Variants in JAK2 observed in about 807,000 individuals in gnomAD.
JAK2 encodes tyrosine-protein kinase JAK2.
JAK2 carries 86 observed loss-of-function variants against 139.3 expected under a neutral mutation model. That is an observed-to-expected ratio of 0.62 (90% confidence interval 0.52 to 0.74). JAK2 has a LOEUF of 0.74. Among genes scored for constraint, JAK2 ranks in the 30% least tolerant of loss-of-function variants. JAK2 has a pLI of 0.00. For missense variants in JAK2, 1,421 were observed against 1,360.3 expected (o/e 1.04, Z -0.70); for synonymous variants, 490 against 437.7 (o/e 1.12, Z -1.49).
intron 22 of JAK2, among the ~76,000 whole-genome samples, chr9:5,121,587 T>G (rs577010284): frequency 3.9e-5 from 6 of 152,262 alleles, no homozygotes; most frequent in Admixed American, 3.9e-4. Context: ...TCCCAAGAGA[T>G]AGTTACACGT....
chr9:5,066,696 T>C lies in JAK2; in HGVS notation c.1233T>C (p.Ser411=). ...CCTTTAGGATGGATTTTGCCATTAG[T>C]AAACTGAAGAAAGCAGGTAATCAGA... The part of the protein sequence containing the change: ...HGPISMDFAI[S]KLKKAGNQTG... Residue 411 remains serine (S), a synonymous_variant, in exon 10 of 25, where the codon AGT becomes AGC. Transcript: ENST00000381652. The C allele has an allele frequency of 3.7e-6, 6 of 1,604,142 alleles. No homozygotes were observed. Among genetic ancestry groups the C allele is most frequent in the Non-Finnish European group, 5.1e-6 (6 of 1,171,692 alleles).
At chr9:5,064,087 C>CAGAA (rs1328799518) in intron 8 of JAK2, among the ~76,000 whole-genome samples, 1 of 152,234 alleles carries the variant, frequency 6.6e-6, no homozygotes, top group East Asian at 1.9e-4. Context: ...ACCCAGGAGG[C>CAGAA]AGAAGTTGCA....
At chr9:5,016,867 G>A (rs1046520276) in intron 2 of JAK2, among the ~76,000 whole-genome samples, 3 of 152,162 alleles carry the variant, frequency 2.0e-5, no homozygotes, top group Admixed American at 6.5e-5. Flanking sequence ...GAACAGTTCT[G>A]CTAAAATAAT....
intron 2 of JAK2, among the ~76,000 whole-genome samples, chr9:5,006,860 T>A (rs1050955015): frequency 1.3e-4 from 20 of 152,342 alleles, no homozygotes; most frequent in Non-Finnish European, 2.4e-4. Flanking sequence ...ATTTTATATT[T>A]CTTCTTGTGC....
At chr9:5,126,547 G>C in intron 24 of JAK2, 101 bp downstream of exon 24, 1 of 956,662 alleles carries the variant, frequency 1.0e-6, no homozygotes. Context: ...GGAGCTTCCA[G>C]ATAAACAGCA....
At position 5,090,525 on chromosome 9, in the gene JAK2, G is replaced by T. The variant is rs746911093; in HGVS notation, c.2841G>T (p.Arg947=). 1.0e-5 allele frequency: 16 copies of T among 1,595,276 alleles called. No individual in the cohort carries two copies. Among genetic ancestry groups the T allele is most frequent in the Non-Finnish European group, 1.4e-5 (16 of 1,170,632 alleles). Residue 947 remains arginine (R), a synonymous_variant, in exon 21 of 25, where the codon CGG becomes CGT. Transcript: ENST00000381652. ...LRDYLQKHKE[R]IDHIKLLQYT... ...ACTATCTTCAAAAACATAAAGAACG[G>T]ATAGATCACATAAAACTTCTGCAGT...
chr9:5,058,285 T>G (rs1817908758), intron 8 of JAK2, among the ~76,000 whole-genome samples: 1 of 152,182 alleles, frequency 6.6e-6, no homozygotes, highest in African/African-American at 2.4e-5. Context: ...TTTAATTGAC[T>G]CGCAGTTCGG....
chr9:5,020,861 T>G (rs1352534682), intron 2 of JAK2, among the ~76,000 whole-genome samples: 1 of 152,030 alleles, frequency 6.6e-6, no homozygotes, highest in African/African-American at 2.4e-5. Flanking sequence ...CAGGGGCTGT[T>G]GGGCTCCAGG....
intron 8 of JAK2, among the ~76,000 whole-genome samples, chr9:5,056,529 A>T (rs1206010199): frequency 6.6e-6 from 1 of 152,062 alleles, no homozygotes; most frequent in East Asian, 1.9e-4. Flanking sequence ...CAACTCACTT[A>T]ATTCAGCATA....
chr9:5,101,846 A>G (rs1821516990), intron 22 of JAK2, among the ~76,000 whole-genome samples: 1 of 152,234 alleles, frequency 6.6e-6, no homozygotes, highest in African/African-American at 2.4e-5. Context: ...ACAGAAAGGA[A>G]TAGCATCAAC....
chr9:5,114,100 A>C, intron 22 of JAK2: 1 of 340,074 alleles, frequency 2.9e-6, no homozygotes, highest in Non-Finnish European at 5.9e-6. Context: ...TGGCTGCCCG[A>C]CCACACCTAC....
intron 6 of JAK2, among the ~76,000 whole-genome samples, chr9:5,052,762 G>C (rs1336510598): frequency 6.6e-6 from 1 of 151,852 alleles, no homozygotes; most frequent in Admixed American, 6.6e-5. Flanking sequence ...CATTTTTTTT[G>C]TCTGGCTTCT....
chr9:5,086,194 C>G (rs1415594257), intron 19 of JAK2: 1 of 539,730 alleles, frequency 1.9e-6, no homozygotes, highest in African/African-American at 2.1e-5. Context: ...AACAGCCGCG[C>G]CGCCCCCGCC....
chr9:5,031,677 CA>C (rs2130171728), intron 4 of JAK2, among the ~76,000 whole-genome samples: 1 of 152,192 alleles, frequency 6.6e-6, no homozygotes, highest in Non-Finnish European at 1.5e-5. Flanking sequence ...ATTTAAGTTG[CA>C]AAACAATAGA....
chr9:5,073,202 T>C (rs969452286), intron 13 of JAK2, among the ~76,000 whole-genome samples: 6 of 152,262 alleles, frequency 3.9e-5, no homozygotes, highest in Non-Finnish European at 7.3e-5. Flanking sequence ...GTGATTGTGA[T>C]TCACTAATCA....
chr9:5,087,664 G>A (rs538233872), intron 19 of JAK2, among the ~76,000 whole-genome samples: 96 of 152,300 alleles, frequency 6.3e-4, no homozygotes, highest in African/African-American at 2.2e-3. Context: ...AATGATCATT[G>A]TTGGCAGGGA....
At chr9:4,991,039 T>C (rs971525896) in intron 2 of JAK2, among the ~76,000 whole-genome samples, 2 of 152,208 alleles carry the variant, frequency 1.3e-5, no homozygotes, top group African/African-American at 4.8e-5. Context: ...TTCTGAATGA[T>C]AGAAGGTTAG....
intron 2 of JAK2, among the ~76,000 whole-genome samples, chr9:5,019,795 T>C (rs1822296156): frequency 6.6e-6 from 1 of 152,204 alleles, no homozygotes; most frequent in African/African-American, 2.4e-5. Flanking sequence ...AGATTTTTTT[T>C]CCTTTGTAAA....
chr9:5,086,910 G>T (rs890782017), intron 19 of JAK2, among the ~76,000 whole-genome samples: 1 of 151,992 alleles, frequency 6.6e-6, no homozygotes, highest in Admixed American at 6.5e-5. Flanking sequence ...ACTTTCGCTG[G>T]TATCCACAAT....
Sources: allele counts gnomAD v4.1 joint callset (sites outside exome capture counted in the v4.1 genomes callset), GRCh38; gene constraint gnomAD v4.1.1; transcripts MANE v1.5; gene names NCBI Gene and HGNC (gene_info 2026-07-23, HGNC 2026-07-21).